Variants in RAD51B observed in about 807,000 individuals in gnomAD.
RAD51B encodes RAD51 paralog B.
Under a neutral mutation model 42.2 loss-of-function variants are expected in RAD51B, and 38 were observed. The observed-to-expected ratio is 0.90, with a 90% CI of 0.70 to 1.18. RAD51B has a LOEUF of 1.18. Among genes scored for constraint, RAD51B ranks in the 50% most tolerant of loss-of-function variants. RAD51B has a pLI of 0.00. For missense variants in RAD51B, 373 were observed against 400.7 expected (o/e 0.93, Z 0.59); for synonymous variants, 154 against 145.2 (o/e 1.06, Z -0.43).
At chr14:68,096,446 C>T (rs2077196346) in intron 7 of RAD51B, among the ~76,000 whole-genome samples, 1 of 152,192 alleles carries the variant, frequency 6.6e-6, no homozygotes, top group South Asian at 2.1e-4. Context: ...ATGTGCTTAA[C>T]TCAGCTGCTT....
chr14:67,995,775 G>A (rs1156310959), intron 7 of RAD51B, among the ~76,000 whole-genome samples: 6 of 151,658 alleles, frequency 4.0e-5, no homozygotes, highest in African/African-American at 1.5e-4. Flanking sequence ...CCGCCACCAC[G>A]CCTGGCTAAT....
chr14:68,076,823 GAA>G (rs2076840888), intron 7 of RAD51B, among the ~76,000 whole-genome samples: 1 of 152,050 alleles, frequency 6.6e-6, no homozygotes, highest in Non-Finnish European at 1.5e-5. Flanking sequence ...TTTCATTTAA[GAA>G]TATAAGAAAT....
At chr14:68,268,940 A>G (rs534232401) in intron 7 of RAD51B, among the ~76,000 whole-genome samples, 4 of 152,296 alleles carry the variant, frequency 2.6e-5, no homozygotes, top group Admixed American at 2.6e-4. Flanking sequence ...AGATTCAACT[A>G]TAGCAGCCAC....
rs77303765 is a variant in RAD51B at position 68,231,369 on chromosome 14, T to G, written c.757-60515T>G. Among the ~76,000 whole-genome samples, 158 of 152,294 alleles carry G rather than the reference T, an allele frequency of 1.0e-3. 2 individuals carry two copies. Among genetic ancestry groups the G allele is most frequent in the Middle Eastern group, 0.01 (3 of 294 alleles). On this transcript the variant is annotated intron_variant, in intron 7 of 10. Transcript: ENST00000471583. ...ATCTTTCCTCCAACCTTATTGAATC[T>G]CTCCCCTTCTTTTTGTTATCTGGTC...
At chr14:68,403,737 C>A (rs1369658921) in intron 8 of RAD51B, among the ~76,000 whole-genome samples, 2 of 152,228 alleles carry the variant, frequency 1.3e-5, no homozygotes, top group African/African-American at 4.8e-5. Flanking sequence ...GAATCCAAAT[C>A]ATGTGTTTTA....
At chr14:68,060,362 A>T (rs1240245512) in intron 7 of RAD51B, among the ~76,000 whole-genome samples, 1 of 152,186 alleles carries the variant, frequency 6.6e-6, no homozygotes, top group Non-Finnish European at 1.5e-5. Flanking sequence ...AGCACAGGAA[A>T]GATAGATTGC....
intron 7 of RAD51B, among the ~76,000 whole-genome samples, chr14:68,205,019 A>G (rs995123371): frequency 1.3e-5 from 2 of 152,222 alleles, no homozygotes; most frequent in African/African-American, 2.4e-5. Context: ...TAAAAAAATC[A>G]GACAGGATAC....
intron 10 of RAD51B, among the ~76,000 whole-genome samples, chr14:68,560,806 G>A (rs34882439): frequency 0.22 from 32,914 of 151,660 alleles, 3,948 homozygotes; most frequent in Non-Finnish European, 0.28. Context: ...TCTGCCCCAG[G>A]ATGTCCCCCT....
At chr14:68,204,830 A>AGTCC (rs1225346336) in intron 7 of RAD51B, among the ~76,000 whole-genome samples, 1 of 152,232 alleles carries the variant, frequency 6.6e-6, no homozygotes, top group Non-Finnish European at 1.5e-5. Flanking sequence ...TAATTAATGA[A>AGTCC]GTAAATTATC....
intron 7 of RAD51B, among the ~76,000 whole-genome samples, chr14:68,068,533 G>A (rs575896956): frequency 6.6e-6 from 1 of 152,090 alleles, no homozygotes; most frequent in Non-Finnish European, 1.5e-5. Flanking sequence ...TAGAAATTTG[G>A]GGTGTTTCAA....
intron 8 of RAD51B, among the ~76,000 whole-genome samples, chr14:68,410,107 G>C (rs553007080): frequency 2.0e-4 from 31 of 152,146 alleles, no homozygotes; most frequent in Non-Finnish European, 3.7e-4. Context: ...GTAGGATGCT[G>C]TCCTATGCAT....
At chr14:67,896,529 G>A (rs1202703332) in intron 7 of RAD51B, among the ~76,000 whole-genome samples, 2 of 152,136 alleles carry the variant, frequency 1.3e-5, no homozygotes, top group Non-Finnish European at 2.9e-5. Flanking sequence ...GTTTAACAAC[G>A]TCAGGTGATA....
chr14:67,953,438 G>T (rs577975618), intron 7 of RAD51B, among the ~76,000 whole-genome samples: 1 of 152,258 alleles, frequency 6.6e-6, no homozygotes, highest in African/African-American at 2.4e-5. Flanking sequence ...GTCATGGAGG[G>T]TTTTAAAAAT....
At chr14:68,211,097 T>C (rs1291861713) in intron 7 of RAD51B, among the ~76,000 whole-genome samples, 1 of 152,214 alleles carries the variant, frequency 6.6e-6, no homozygotes, top group Non-Finnish European at 1.5e-5. Flanking sequence ...TCTCTGAGGA[T>C]GTTTCTCTGA....
intron 7 of RAD51B, among the ~76,000 whole-genome samples, chr14:68,225,398 T>A (rs918372971): frequency 6.6e-6 from 1 of 152,252 alleles, no homozygotes; most frequent in Non-Finnish European, 1.5e-5. Flanking sequence ...AACTGGGAGA[T>A]GGCCACTTCA....
In RAD51B at chr14:67,951,926, C is replaced by A. The variant is rs370898875; in HGVS notation, c.756+64722C>A. Among the ~76,000 whole-genome samples the A allele has an allele frequency of 8.6e-5, 13 of 151,982 alleles. No individual in the cohort carries two copies. In the East Asian group the frequency reaches 9.6e-4, roughly 11 times the overall value. On this transcript the variant is annotated intron_variant, in intron 7 of 10. Coordinates refer to ENST00000471583, the MANE Select transcript of RAD51B (RefSeq NM_133510.4). ...CTCCTGTTATTTTGCGTAAATAACC[C>A]CATGTGACTCACAAATGTTGAAAAA...
intron 8 of RAD51B, among the ~76,000 whole-genome samples, chr14:68,387,504 C>T (rs922030224): frequency 1.3e-5 from 2 of 152,174 alleles, no homozygotes; most frequent in African/African-American, 4.8e-5. Flanking sequence ...TTAGTGTTTA[C>T]TGTTTGACAG....
intron 7 of RAD51B, among the ~76,000 whole-genome samples, chr14:68,153,966 A>G (rs1017457210): frequency 6.6e-6 from 1 of 152,226 alleles, no homozygotes; most frequent in Non-Finnish European, 1.5e-5. Flanking sequence ...TTTGTCAATA[A>G]GCCATGTGAT....
intron 4 of RAD51B, among the ~76,000 whole-genome samples, chr14:67,854,964 A>G (rs536880561): frequency 2.6e-5 from 4 of 152,290 alleles, no homozygotes; most frequent in South Asian, 4.1e-4. Flanking sequence ...TATCTTAAAA[A>G]ACTATTATTT....
Sources: allele counts gnomAD v4.1 joint callset (sites outside exome capture counted in the v4.1 genomes callset), GRCh38; gene constraint gnomAD v4.1.1; transcripts MANE v1.5; gene names NCBI Gene and HGNC (gene_info 2026-07-23, HGNC 2026-07-21).